SETD5: variants seen among roughly 807,000 people sequenced by gnomAD.
SETD5 encodes SET domain containing 5, also known as histone-lysine N-methyltransferase SETD5.
A neutral mutation model predicts 153.3 loss-of-function variants in SETD5; 44 were observed. The ratio of observed to expected loss-of-function variants is 0.29; its 90% confidence interval spans 0.23 to 0.37. The LOEUF (loss-of-function observed/expected upper bound fraction) is 0.37. Ranked by LOEUF, SETD5 falls within the 10% of genes least tolerant of loss-of-function variation. The pLI is 1.00. For missense variants in SETD5, 1,544 were observed against 1,768.0 expected, an observed-to-expected ratio of 0.87 and a Z score of 2.27; for synonymous variants, 716 against 645.2, an observed-to-expected ratio of 1.11 and a Z score of -1.66.
intron 15 of SETD5, 98 bp from the exon 16 acceptor site, chr3:9,448,290 T>G (rs2042245496): frequency 1.4e-5 from 21 of 1,491,540 alleles, no homozygotes; most frequent in Non-Finnish European, 1.7e-5. Context: ...CTGCAGCTGC[T>G]GCATCTCCTC....
chr3:9,398,838 T>G (rs1292474950), intron 1 of SETD5, among the ~76,000 whole-genome samples: 1 of 152,224 alleles, frequency 6.6e-6, no homozygotes, highest in African/African-American at 2.4e-5. Context: ...TGCTAATTGA[T>G]TCTATAGAGT....
At chr3:9,460,348 T>TAA (rs921184131) in intron 17 of SETD5, among the ~76,000 whole-genome samples, 1 of 151,360 alleles carries the variant, frequency 6.6e-6, no homozygotes, top group Admixed American at 6.6e-5. Flanking sequence ...AATATGTGAA[T>TAA]AACAAAGATT....
chr3:9,402,266 T>A (rs763020618), intron 1 of SETD5, among the ~76,000 whole-genome samples: 3 of 152,138 alleles, frequency 2.0e-5, no homozygotes, highest in Non-Finnish European at 4.4e-5. Flanking sequence ...TGGGACAAAA[T>A]GCATTCTGTC....
At chr3:9,443,113 GTA>G in intron 10 of SETD5, 193 bp from the exon 11 acceptor site, 1 of 482,698 alleles carries the variant, frequency 2.1e-6, no homozygotes, top group Non-Finnish European at 3.7e-6. Flanking sequence ...ATTTAAGAAA[GTA>G]TTATAAATTT....
In SETD5 at chr3:9,431,188, G is replaced by A. The variant is rs958883952; in HGVS notation, c.71+2179G>A. On this transcript the variant is annotated intron_variant, in intron 3 of 22. Transcript: ENST00000402198. ...TTTGTGTGTGTTTGTAGGAAAATTT[G>A]TAGATGTAACAAGCAAAACAAAGAT... 3 of 985,268 alleles carry A rather than the reference G, an allele frequency of 3.0e-6. No homozygotes were observed. In the Admixed American group the frequency reaches 1.8e-4, roughly 61 times the overall value. 61.0% of individuals were successfully genotyped at this position (985,268 alleles called of 1,614,324 possible).
rs768568151 is a variant in SETD5 at position 9,435,903 on chromosome 3, C to A, written c.564C>A (p.Ile188=). The stretch of plus-strand genomic sequence containing the variant: ...GTGCAGCACCAAAGACGAAGAAAAT[C>A]AAGGTATGCAGGGTAAAAATATCTT... ...KGRAAPKTKK[I]KNSPSEAQNL... The change falls in exon 7 of 23, where the codon ATC becomes ATA. Residue 188 remains isoleucine (I), a synonymous_variant. Transcript: ENST00000402198. 1.3e-6 allele frequency: 2 copies of A among 1,577,470 alleles called. No homozygotes were observed. Among genetic ancestry groups the A allele is most frequent in the Non-Finnish European group, 8.6e-7 (1 of 1,162,280 alleles).
At chr3:9,435,218 G>A (rs1375989513) in intron 6 of SETD5, among the ~76,000 whole-genome samples, 1 of 144,710 alleles carries the variant, frequency 6.9e-6, no homozygotes, top group Non-Finnish European at 1.5e-5. Context: ...ACTCCAGCCT[G>A]GGCAACAAGA....
Position 9,447,141 on chromosome 3 carries a change from G to A in SETD5, c.1616G>A (p.Ser539Asn). ...CGGCGGGATCAGCCCTTGGAACAGAGCAACTCTGATGTAGAGATTACTACA... is the reference window on the plus strand; with the variant it reads ...CGGCGGGATCAGCCCTTGGAACAGAACAACTCTGATGTAGAGATTACTACA... Reference protein sequence around the residue: ...KKRRDQPLEQSNSDVEITTTT... With the variant: ...KKRRDQPLEQNNSDVEITTTT... Residue 539 changes from serine to asparagine, a missense_variant, in exon 14 of 23, where the codon AGC becomes AAC. Physicochemically the swap from Ser to Asn is conservative, Grantham distance 46 (BLOSUM62 1). Transcript: ENST00000402198. 6.2e-7 allele frequency: 1 copy of A among 1,614,000 alleles called. No homozygotes were observed.
intron 21 of SETD5, 110 bp downstream of exon 21, chr3:9,474,692 G>C: frequency 6.9e-7 from 1 of 1,447,392 alleles, no homozygotes; most frequent in Non-Finnish European, 9.3e-7. Flanking sequence ...ATGCAGTTGG[G>C]CTCCACCGCA....
At chr3:9,459,255 A>G (rs113424691) in intron 17 of SETD5, among the ~76,000 whole-genome samples, 358 of 152,288 alleles carry the variant, frequency 2.4e-3, no homozygotes, top group Middle Eastern at 6.8e-3. Flanking sequence ...CAATTGCAAA[A>G]ACTATAGGTT....
intron 1 of SETD5, among the ~76,000 whole-genome samples, chr3:9,422,995 A>C (rs940710342): frequency 4.6e-5 from 7 of 152,240 alleles, no homozygotes; most frequent in African/African-American, 1.7e-4. Flanking sequence ...TTACTGAAGC[A>C]GACTTGTTCT....
At chr3:9,455,183 T>G (rs2043092124) in intron 17 of SETD5, among the ~76,000 whole-genome samples, 1 of 144,880 alleles carries the variant, frequency 6.9e-6, no homozygotes, top group African/African-American at 2.5e-5. Flanking sequence ...TTTTTTTTTT[T>G]TTTTTTTGAA....
At position 9,435,845 on chromosome 3, in the gene SETD5, C is replaced by G; in HGVS notation, c.506C>G (p.Pro169Arg). The change falls in exon 7 of 23, where the codon CCC becomes CGC. Residue 169 changes from proline to arginine, a missense_variant. Pro to Arg is a moderately radical substitution (Grantham distance 103, BLOSUM62 -2). This residue lies in a region of SETD5 where 251 missense variants were observed against 326.9 expected (regional missense o/e 0.77). Coordinates refer to ENST00000402198, the MANE Select transcript of SETD5 (RefSeq NM_001080517.3). ...ACCTTAACTGTTAGAAGAACCAAAC[C>G]CAAGAAGCGGAAAAAGAGTCCAGAA... Reference protein sequence around the residue: ...SITLTVRRTKPKKRKKSPEKG... With the variant: ...SITLTVRRTKRKKRKKSPEKG... The G allele has an allele frequency of 6.2e-7, 1 of 1,600,384 alleles. No individual in the cohort carries two copies. Among genetic ancestry groups the G allele is most frequent in the Non-Finnish European group, 8.5e-7 (1 of 1,173,182 alleles).
chr3:9,469,590 A>G (rs1176252782), intron 18 of SETD5, among the ~76,000 whole-genome samples: 1 of 152,206 alleles, frequency 6.6e-6, no homozygotes, highest in East Asian at 1.9e-4. Flanking sequence ...AGGAAAGTAA[A>G]GCTCTCTCTC....
chr3:9,475,074 C>T lies in SETD5; in HGVS notation c.3638C>T (p.Ala1213Val). The T allele has an allele frequency of 6.3e-7, 1 of 1,582,582 alleles. No individual in the cohort carries two copies. The highest frequency in any genetic ancestry group is 1.2e-5 in the South Asian group (1 of 85,948). ...TATATATGTTACCTTCCAGACCCTG[C>T]AGATGGAGAAGGCCCAGAGACATTA... ...SNITEKDSDPADGEGPETLSS... is the reference protein window; with the variant it reads ...SNITEKDSDPVDGEGPETLSS... Residue 1213 changes from alanine to valine, a missense_variant, in exon 22 of 23, where the codon GCA becomes GTA. Ala to Val is a moderately conservative substitution (Grantham distance 64). Around this residue, in one of 9 missense-constraint regions of SETD5, gnomAD observed 302 missense variants for 277.6 expected, o/e 1.09. Coordinates refer to ENST00000402198, the MANE Select transcript of SETD5 (RefSeq NM_001080517.3).
intron 1 of SETD5, among the ~76,000 whole-genome samples, chr3:9,418,887 T>C (rs2037955478): frequency 6.6e-6 from 1 of 151,818 alleles, no homozygotes; most frequent in Non-Finnish European, 1.5e-5. Context: ...AGCGCAGTGG[T>C]GTAATCTTGG....
At chr3:9,409,199 T>G (rs777763624) in intron 1 of SETD5, among the ~76,000 whole-genome samples, 14 of 152,196 alleles carry the variant, frequency 9.2e-5, no homozygotes, top group Non-Finnish European at 1.5e-4. Flanking sequence ...CCTATATTCA[T>G]GATTTACTTC....
chr3:9,434,460 T>C lies in SETD5; in HGVS notation c.304T>C (p.Phe102Leu). ...WCPCGLSQDG[F>L]LLNCDKCRGM... ...TCCTTGTGGTCTTTCTCAGGATGGC[T>C]TCCTTCTCAACTGTGACAAGTGCAG... The change falls in exon 5 of 23, where the codon TTC becomes CTC. Residue 102 changes from phenylalanine (F) to leucine (L), a missense_variant. Physicochemically the swap from Phe to Leu is conservative, Grantham distance 22 (BLOSUM62 0). This residue lies in a region of SETD5 where 251 missense variants were observed against 326.9 expected (regional missense o/e 0.77). Transcript: ENST00000402198. This position sits in a 1 kb window ranked among gnomAD's most constrained non-coding sequence, Gnocchi z 5.6. The C allele has an allele frequency of 6.2e-7, 1 of 1,613,982 alleles. No individual in the cohort carries two copies. The highest frequency in any genetic ancestry group is 8.5e-7 in the Non-Finnish European group (1 of 1,179,876).
At chr3:9,409,096 A>G (rs2125498698) in intron 1 of SETD5, among the ~76,000 whole-genome samples, 1 of 152,294 alleles carries the variant, frequency 6.6e-6, no homozygotes. Flanking sequence ...TTGTACAGAT[A>G]ATTGGTTGGA....
Sources: allele counts gnomAD v4.1 joint callset (sites outside exome capture counted in the v4.1 genomes callset), GRCh38; gene constraint gnomAD v4.1.1; regional missense constraint gnomAD v4.1.1; non-coding constraint Gnocchi (gnomAD v3.1); transcripts MANE v1.5; gene names NCBI Gene and HGNC (gene_info 2026-07-23, HGNC 2026-07-21).